Variants in WDR12 observed in about 807,000 individuals in gnomAD.
The protein encoded by WDR12 is ribosome biogenesis protein WDR12.
In WDR12, 42 loss-of-function variants were observed where a neutral mutation model predicts 64.3. The ratio of observed to expected loss-of-function variants is 0.65; its 90% CI spans 0.51 to 0.84. The LOEUF (loss-of-function observed/expected upper bound fraction) is 0.84, where lower values mean the gene tolerates loss of function less well. Among genes scored for constraint, WDR12 ranks in the 40% least tolerant of loss-of-function variants. The pLI is 0.00. For missense variants in WDR12, 469 were observed against 494.6 expected, an observed-to-expected ratio of 0.95 and a Z score of 0.49; for synonymous variants, 158 against 173.3, an observed-to-expected ratio of 0.91 and a Z score of 0.70.
intron 8 of WDR12, among the ~76,000 whole-genome samples, chr2:202,885,130 A>C (rs1688023309): frequency 6.6e-6 from 1 of 152,198 alleles, no homozygotes; most frequent in African/African-American, 2.4e-5. Context: ...GGGTACAAAA[A>C]CCAGGGCAGG....
intron 2 of WDR12, among the ~76,000 whole-genome samples, chr2:202,906,378 C>G (rs1023830481): frequency 8.5e-5 from 13 of 152,244 alleles, no homozygotes; most frequent in African/African-American, 3.1e-4. Context: ...ACCCTGTCCC[C>G]TCCTCCCCCA....
rs1321688028 is a variant in WDR12, at chr2:202,874,468, A to T, written c.*6392T>A. Among the ~76,000 whole-genome samples the T allele has an allele frequency of 1.3e-5, 2 of 152,192 alleles. No homozygotes were observed. The highest frequency in any genetic ancestry group is 3.9e-4 in the East Asian group (2 of 5,192). On this transcript the variant is annotated 3_prime_UTR_variant, in exon 13 of 13. Transcript: ENST00000261015. ...CCAAACCTAGAGTCTTAGTTTCTTT[A>T]AAGACTAATGGTCTTCACTTTTGTT... is the stretch of plus-strand genomic sequence containing the variant.
chr2:202,903,186 G>C (rs1345009232), intron 2 of WDR12, among the ~76,000 whole-genome samples: 3 of 152,004 alleles, frequency 2.0e-5, no homozygotes, highest in Non-Finnish European at 4.4e-5. Flanking sequence ...CAGAATGAAG[G>C]ACAAAAAGCA....
chr2:202,897,537 A>G, intron 4 of WDR12, 122 bp from the exon 5 acceptor site: 1 of 494,258 alleles, frequency 2.0e-6, no homozygotes, highest in African/African-American at 2.1e-5. Flanking sequence ...TGATATGAAG[A>G]TTGAGATTTC....
At chr2:202,908,044 G>A in intron 1 of WDR12, 85 bp from the exon 2 acceptor site, 24 of 1,221,846 alleles carry the variant, frequency 2.0e-5, no homozygotes, top group Middle Eastern at 1.9e-4. Flanking sequence ...ACATTTATTG[G>A]GTAAATAAAT....
At chr2:202,908,934 G>A (rs1688513465) in intron 1 of WDR12, among the ~76,000 whole-genome samples, 1 of 152,154 alleles carries the variant, frequency 6.6e-6, no homozygotes, top group South Asian at 2.1e-4. Context: ...GCCCAATAGG[G>A]ACATGCAAAT....
chr2:202,896,074 T>C lies in WDR12; in HGVS notation c.600A>G (p.Ser200=), dbSNP rs745401125. 6.2e-7 allele frequency: 1 copy of C among 1,611,498 alleles called. No individual in the cohort carries two copies. The highest frequency in any genetic ancestry group is 1.7e-5 in the Admixed American group (1 of 59,292). Residue 200 remains serine, a synonymous_variant, in exon 6 of 13, where the codon TCA becomes TCG. Transcript: ENST00000261015. The part of the protein sequence containing the change: ...GSVDSIAVDG[S]GTKFCSGSWD... ...TATTCTAGCTACTTACTTTAGTTCC[T>C]GAGCCATCAACAGCTATAGAATCTA...
chr2:202,875,100 AC>A lies in WDR12; in HGVS notation c.*5759del, dbSNP rs1687834519. 6.6e-6 allele frequency: 1 copy of A among 152,182 alleles called. No individual in the cohort carries two copies. 9.4% of individuals were successfully genotyped at this position (152,182 alleles called of 1,614,324 possible). ...TGTCGCACAGCTCCATTAATTGGTTACATACCTTCACACTAGGTACTTAACC... is the reference window on the plus strand; with the variant it reads ...TGTCGCACAGCTCCATTAATTGGTTAATACCTTCACACTAGGTACTTAACC... On this transcript the variant is annotated 3_prime_UTR_variant, in exon 13 of 13. Transcript: ENST00000261015.
chr2:202,889,405 CTT>C (rs1460490816), intron 8 of WDR12, among the ~76,000 whole-genome samples: 1 of 152,098 alleles, frequency 6.6e-6, no homozygotes, highest in Non-Finnish European at 1.5e-5. Flanking sequence ...AGAGCCAACA[CTT>C]TTAAAAAATG....
chr2:202,893,700 A>T (rs1420056407), intron 7 of WDR12, among the ~76,000 whole-genome samples: 1 of 152,186 alleles, frequency 6.6e-6, no homozygotes, highest in Non-Finnish European at 1.5e-5. Flanking sequence ...AAATAGTTGT[A>T]GCTACTAGGT....
chr2:202,911,052 C>T (rs896145699), intron 1 of WDR12, among the ~76,000 whole-genome samples: 3 of 152,108 alleles, frequency 2.0e-5, no homozygotes, highest in African/African-American at 7.2e-5. Flanking sequence ...TGCTAACAGA[C>T]CTTGAGACCA....
At chr2:202,887,617 G>A (rs1429540477) in intron 8 of WDR12, among the ~76,000 whole-genome samples, 2 of 152,050 alleles carry the variant, frequency 1.3e-5, no homozygotes, top group African/African-American at 2.4e-5. Flanking sequence ...GGCCGGGCGC[G>A]GTGGCTCACG....
intron 2 of WDR12, among the ~76,000 whole-genome samples, chr2:202,903,102 ATC>A (rs1187706441): frequency 1.3e-5 from 2 of 152,000 alleles, no homozygotes; most frequent in Non-Finnish European, 2.9e-5. Context: ...AAAACAAAAA[ATC>A]TCTCTTTCAT....
At chr2:202,892,266 T>C (rs1398018392) in intron 8 of WDR12, among the ~76,000 whole-genome samples, 1 of 152,158 alleles carries the variant, frequency 6.6e-6, no homozygotes, top group Non-Finnish European at 1.5e-5. Context: ...ACTCAGTGCA[T>C]GAAACAGATA....
At chr2:202,895,692 T>C (rs1339627781) in intron 6 of WDR12, among the ~76,000 whole-genome samples, 1 of 118,724 alleles carries the variant, frequency 8.4e-6, no homozygotes, top group African/African-American at 2.7e-5. Context: ...CCGGCTTATT[T>C]TTTTTTTTTT....
chr2:202,892,098 C>A (rs886314589), intron 8 of WDR12, among the ~76,000 whole-genome samples: 1 of 152,140 alleles, frequency 6.6e-6, no homozygotes, highest in Non-Finnish European at 1.5e-5. Context: ...CAATCTTTAT[C>A]AATTAAGTAT....
chr2:202,911,617 G>A lies in WDR12; in HGVS notation c.-141C>T, dbSNP rs912842984. ...AGCGAGGAACTGCAGTCTAAGCCTG[G>A]ACTCTGCCTTCTGCCCTCCGGTCTC... is the stretch of plus-strand genomic sequence containing the variant. On this transcript the variant is annotated 5_prime_UTR_variant, in exon 1 of 13. Coordinates refer to ENST00000261015, the MANE Select transcript of WDR12 (RefSeq NM_018256.4). The A allele has an allele frequency of 2.6e-6, 2 of 777,118 alleles. No individual in the cohort carries two copies. The highest frequency in any genetic ancestry group is 2.2e-6 in the Non-Finnish European group (1 of 446,620). The allele number at this position is 777,118 out of a possible 1,614,324, so 48.1% of individuals were successfully genotyped here.
chr2:202,910,545 C>CA (rs1486390955), intron 1 of WDR12, among the ~76,000 whole-genome samples: 5 of 151,008 alleles, frequency 3.3e-5, no homozygotes, highest in South Asian at 4.2e-4. Context: ...ACCAAACAAA[C>CA]AAAAAAAAGC....
intron 8 of WDR12, among the ~76,000 whole-genome samples, chr2:202,886,097 C>T (rs1453495440): frequency 6.7e-6 from 1 of 149,092 alleles, no homozygotes; most frequent in Non-Finnish European, 1.5e-5. Flanking sequence ...TTGTTTTTTA[C>T]AACACTTTAT....
Sources: allele counts gnomAD v4.1 joint callset (sites outside exome capture counted in the v4.1 genomes callset), GRCh38; gene constraint gnomAD v4.1.1; transcripts MANE v1.5; gene names NCBI Gene and HGNC (gene_info 2026-07-23, HGNC 2026-07-21).